Variants in SGCD observed in about 807,000 individuals in gnomAD.
SGCD encodes the protein sarcoglycan delta.
In SGCD, 18 loss-of-function variants were observed where a neutral mutation model predicts 36.6. The ratio of observed to expected loss-of-function variants is 0.49; its 90% CI spans 0.34 to 0.73. The LOEUF (loss-of-function observed/expected upper bound fraction) is 0.73, where lower values mean the gene tolerates loss of function less well. SGCD is among the 30% of genes least tolerant of loss of function. SGCD has a pLI of 0.01. For missense variants in SGCD, 387 were observed against 346.7 expected (o/e 1.12, Z -0.92); for synonymous variants, 133 against 130.6 (o/e 1.02, Z -0.12).
chr5:155,742,219 A>G, the SGCD span, among the ~76,000 whole-genome samples: 1 of 152,304 alleles, frequency 6.6e-6, no homozygotes, highest in South Asian at 2.1e-4. Context: ...AAATAGATAC[A>G]TTATTTTGGA....
At chr5:156,615,256 G>A (rs1012709665) in intron 6 of SGCD, among the ~76,000 whole-genome samples, 1 of 152,142 alleles carries the variant, frequency 6.6e-6, no homozygotes, top group Non-Finnish European at 1.5e-5. Context: ...CAAGGAATTG[G>A]ACATTATAGC....
chr5:156,710,434 C>T (rs576071803), intron 7 of SGCD, among the ~76,000 whole-genome samples: 49 of 152,248 alleles, frequency 3.2e-4, no homozygotes, highest in Admixed American at 1.2e-3. Flanking sequence ...GCAAAATATT[C>T]GAAGAGATTT....
At chr5:156,596,958 C>T (rs1487980931) in intron 6 of SGCD, among the ~76,000 whole-genome samples, 1 of 152,150 alleles carries the variant, frequency 6.6e-6, no homozygotes, top group Non-Finnish European at 1.5e-5. Flanking sequence ...TCATCCTGGC[C>T]ATCATGAGCT....
chr5:155,732,254 A>T, the SGCD span, among the ~76,000 whole-genome samples: 1 of 152,218 alleles, frequency 6.6e-6, no homozygotes, highest in Non-Finnish European at 1.5e-5. Flanking sequence ...TAGCTGAGGA[A>T]ACTGAGACTT....
At chr5:156,368,194 C>T (rs1770206057) in intron 3 of SGCD, among the ~76,000 whole-genome samples, 1 of 151,986 alleles carries the variant, frequency 6.6e-6, no homozygotes, top group Non-Finnish European at 1.5e-5. Flanking sequence ...CGGGTTCAAG[C>T]AATTCTCTGC....
At chr5:156,403,964 G>A (rs1430092126) in intron 3 of SGCD, among the ~76,000 whole-genome samples, 1 of 151,938 alleles carries the variant, frequency 6.6e-6, no homozygotes, top group African/African-American at 2.4e-5. Flanking sequence ...TCCTCGAATA[G>A]CTGGGATTAC....
At chr5:155,750,019 TTGTC>T in the SGCD span, among the ~76,000 whole-genome samples, 17 of 152,318 alleles carry the variant, frequency 1.1e-4, no homozygotes, top group African/African-American at 1.7e-4. Flanking sequence ...TTCTTGTTGT[TTGTC>T]TGAGAAAAGT....
intron 1 of SGCD, among the ~76,000 whole-genome samples, chr5:155,971,949 A>G (rs1294503676): frequency 3.3e-5 from 5 of 152,168 alleles, no homozygotes; most frequent in Admixed American, 6.6e-5. Flanking sequence ...ATCTTATTTA[A>G]AAAGCACTCT....
chr5:156,333,884 C>T (rs1221603639), intron 2 of SGCD, among the ~76,000 whole-genome samples: 2 of 118,656 alleles, frequency 1.7e-5, no homozygotes, highest in African/African-American at 6.4e-5. Flanking sequence ...TAATGTGAAA[C>T]CAGGAGTTCA....
intron 6 of SGCD, among the ~76,000 whole-genome samples, chr5:156,604,081 T>C (rs1761316863): frequency 6.6e-6 from 1 of 152,014 alleles, no homozygotes; most frequent in African/African-American, 2.4e-5. Context: ...TGCTTTGGAA[T>C]TGGGTTTCTT....
intron 6 of SGCD, among the ~76,000 whole-genome samples, chr5:156,596,873 C>T (rs570363313): frequency 3.3e-5 from 5 of 152,230 alleles, no homozygotes; most frequent in East Asian, 3.9e-4. Flanking sequence ...ACCTCACCCC[C>T]GACTCTCCCA....
chr5:156,340,565 G>T (rs990849572), intron 2 of SGCD, among the ~76,000 whole-genome samples: 2 of 152,182 alleles, frequency 1.3e-5, no homozygotes, highest in African/African-American at 4.8e-5. Flanking sequence ...TCTCCAAAAT[G>T]CATGTAAATC....
intron 3 of SGCD, among the ~76,000 whole-genome samples, chr5:156,456,898 G>A (rs1331119862): frequency 6.6e-6 from 1 of 152,104 alleles, no homozygotes; most frequent in African/African-American, 2.4e-5. Flanking sequence ...ATGGTTTGTG[G>A]GTTAGAATAT....
At chr5:156,730,789 G>A (rs760562674) in intron 7 of SGCD, among the ~76,000 whole-genome samples, 9 of 152,018 alleles carry the variant, frequency 5.9e-5, no homozygotes, top group Non-Finnish European at 1.0e-4. Context: ...AGGTCTTTAA[G>A]TTCTGTCTTT....
chr5:156,410,224 T>C (rs1772667010), intron 3 of SGCD, among the ~76,000 whole-genome samples: 1 of 152,108 alleles, frequency 6.6e-6, no homozygotes, highest in South Asian at 2.1e-4. Flanking sequence ...GAGAATGAAA[T>C]CACATCCTTC....
intron 1 of SGCD, among the ~76,000 whole-genome samples, chr5:155,922,619 G>A (rs998797705): frequency 1.3e-4 from 20 of 152,128 alleles, no homozygotes; most frequent in African/African-American, 4.8e-4. Flanking sequence ...AGTTATATTT[G>A]GTCAATATTT....
the SGCD span, among the ~76,000 whole-genome samples, chr5:155,738,813 G>A: frequency 0.05 from 7,554 of 150,174 alleles, 245 homozygotes; most frequent in Middle Eastern, 0.15. Flanking sequence ...GTGTAAGAGA[G>A]TGTGTGAGAG....
chr5:156,120,374 T>A (rs926835690), intron 2 of SGCD, among the ~76,000 whole-genome samples: 2 of 152,146 alleles, frequency 1.3e-5, no homozygotes, highest in African/African-American at 4.8e-5. Context: ...ACACGCTATA[T>A]CACTACTTGA....
At chr5:156,378,847 T>C (rs1348648457) in intron 3 of SGCD, among the ~76,000 whole-genome samples, 1 of 152,180 alleles carries the variant, frequency 6.6e-6, no homozygotes, top group African/African-American at 2.4e-5. Flanking sequence ...GAGTTCTGTA[T>C]AGGTTAAAAA....
Sources: allele counts gnomAD v4.1 joint callset (sites outside exome capture counted in the v4.1 genomes callset), GRCh38; gene constraint gnomAD v4.1.1; transcripts MANE v1.5; gene names NCBI Gene and HGNC (gene_info 2026-07-23, HGNC 2026-07-21).